DLX5: variants seen among roughly 807,000 people sequenced by gnomAD.
DLX5 encodes homeobox protein DLX-5.
Under a neutral mutation model 27.1 loss-of-function variants are expected in DLX5, and 8 were observed. That is an observed-to-expected ratio of 0.30 (90% confidence interval 0.17 to 0.53). The LOEUF (loss-of-function observed/expected upper bound fraction) is 0.53, where lower values mean the gene tolerates loss of function less well. Ranked by LOEUF, DLX5 falls within the 20% of genes least tolerant of loss-of-function variation. The probability of loss-of-function intolerance (pLI) is 0.95; values close to 1 mark genes in which losing one functional copy is unlikely to be tolerated. For synonymous variants in DLX5, 178 were observed against 161.9 expected, an observed-to-expected ratio of 1.10 and a Z score of -0.75; for missense variants, 339 against 375.1, an observed-to-expected ratio of 0.90 and a Z score of 0.80.
rs868715953 is a variant in DLX5, at chr7:97,022,447, C to G, written c.356-78G>C. ...TTGCGGAAGGGCCTCAAATAGAGTC[C>G]TAGAGTTTCTTACCACTCAGTCTTC... On this transcript the variant is annotated intron_variant, in intron 1 of 2. Transcript: ENST00000648378. 5.7e-6 allele frequency: 9 copies of G among 1,583,952 alleles called. No homozygotes were observed. The Middle Eastern group carries it at 1.3e-3, about 236-fold the overall frequency.
At position 97,020,691 on chromosome 7, in the gene DLX5, A is replaced by G. The variant is rs1490229586; in HGVS notation, c.*45T>C. The G allele has an allele frequency of 4.7e-6, 7 of 1,475,938 alleles. No homozygotes were observed. 91.4% of individuals were successfully genotyped at this position (1,475,938 alleles called of 1,614,324 possible). On this transcript the variant is annotated 3_prime_UTR_variant, in exon 3 of 3. Transcript: ENST00000648378. The stretch of plus-strand genomic sequence containing the variant: ...TTTCTTTATGATTTTCTAGAACAGC[A>G]AAACACAGTAGTCCCAAAAAAGAGA...
chr7:97,021,945 G>A (rs2115909312), intron 2 of DLX5: 2 of 611,446 alleles, frequency 3.3e-6, no homozygotes, highest in East Asian at 5.5e-5. Flanking sequence ...CCGGAGGCCC[G>A]CTACGGGGTG....
In DLX5 at chr7:97,024,681, G is replaced by A; in HGVS notation, c.-58C>T. Reference sequence around the variant, plus strand: ...TGTTGTGGCGGCGGCAGCTGCCCTAGTTGGCTGTGGGGCTGCTCTGGTCTA... The same window carrying A: ...TGTTGTGGCGGCGGCAGCTGCCCTAATTGGCTGTGGGGCTGCTCTGGTCTA... On this transcript the variant is annotated 5_prime_UTR_variant, in exon 1 of 3. Coordinates refer to ENST00000648378, the MANE Select transcript of DLX5 (RefSeq NM_005221.6). This position sits in a 1 kb window ranked among gnomAD's most constrained non-coding sequence, Gnocchi z 4.6. 6.9e-7 allele frequency: 1 copy of A among 1,453,376 alleles called. No homozygotes were observed. The highest frequency in any genetic ancestry group is 9.4e-7 in the Non-Finnish European group (1 of 1,061,186). The allele number at this position is 1,453,376 out of a possible 1,614,324, so 90.0% of individuals were successfully genotyped here.
chr7:97,024,766 G>T lies in DLX5; in HGVS notation c.-143C>A. The T allele has an allele frequency of 1.4e-6, 1 of 725,748 alleles. No individual in the cohort carries two copies. Among genetic ancestry groups the T allele is most frequent in the Non-Finnish European group, 2.2e-6 (1 of 450,696 alleles). 45.0% of individuals were successfully genotyped at this position (725,748 alleles called of 1,614,324 possible). Reference sequence around the variant, plus strand: ...GAAGAGGAGGAGGAGAGAAGGAGGAGGCGGCGGCCGCGGCGAGGAGGAGAC... The same window carrying T: ...GAAGAGGAGGAGGAGAGAAGGAGGATGCGGCGGCCGCGGCGAGGAGGAGAC... On this transcript the variant is annotated 5_prime_UTR_variant, in exon 1 of 3. Transcript: ENST00000648378. This position sits in a 1 kb window ranked among gnomAD's most constrained non-coding sequence, Gnocchi z 4.6.
rs3214218 is a variant in DLX5, at chr7:97,020,572, AG to A, written c.*163del. ...CGCAAAAAAAGTCCTCTGTAAAAAA[AG>A]GGGGGGTCTTTTGAAATGCAATAAC... On this transcript the variant is annotated 3_prime_UTR_variant, in exon 3 of 3. Coordinates refer to ENST00000648378, the MANE Select transcript of DLX5 (RefSeq NM_005221.6). 9.0e-6 allele frequency: 6 copies of A among 663,630 alleles called. No homozygotes were observed. Among genetic ancestry groups the A allele is most frequent in the Admixed American group, 3.6e-5 (1 of 27,562 alleles). The allele number at this position is 663,630 out of a possible 1,614,324, so 41.1% of individuals were successfully genotyped here. A position where few individuals can be genotyped will look rare whatever the true frequency, so the allele number is the denominator to read the frequency against.
intron 1 of DLX5, among the ~76,000 whole-genome samples, chr7:97,023,533 C>T (rs2115916029): frequency 6.6e-6 from 1 of 152,168 alleles, no homozygotes; most frequent in East Asian, 1.9e-4. Context: ...TCTCTTACCG[C>T]CCAAGCTCAC....
intron 2 of DLX5, 49 bp downstream of exon 2, chr7:97,022,136 C>T: frequency 1.2e-6 from 2 of 1,611,236 alleles, no homozygotes; most frequent in Non-Finnish European, 1.7e-6. Context: ...CGCGACCCAA[C>T]CAGACGTGCA....
chr7:97,023,751 T>C (rs1790125792), intron 1 of DLX5, among the ~76,000 whole-genome samples: 1 of 152,082 alleles, frequency 6.6e-6, no homozygotes, highest in Non-Finnish European at 1.5e-5. Flanking sequence ...TCTGGCTGGC[T>C]ACAACTCCTT....
At chr7:97,021,358 C>T (rs532868162) in intron 2 of DLX5, among the ~76,000 whole-genome samples, 1 of 152,314 alleles carries the variant, frequency 6.6e-6, no homozygotes, top group South Asian at 2.1e-4. Context: ...CGGGTGTGCG[C>T]CCGAGTGTCC....
In DLX5 at chr7:97,021,206, G is replaced by A. The variant is rs566490435; in HGVS notation, c.541-141C>T. ...GTCTCCCCGCCGCTTGCGGCCTACC[G>A]CCAAGAAGCTATGCCTTAGGCAAAC... On this transcript the variant is annotated intron_variant, in intron 2 of 2. Coordinates refer to ENST00000648378, the MANE Select transcript of DLX5 (RefSeq NM_005221.6). 1,251 of 836,000 alleles carry A rather than the reference G, an allele frequency of 1.5e-3. 1 individual carries two copies. Among genetic ancestry groups the A allele is most frequent in the Non-Finnish European group, 1.7e-3 (916 of 549,574 alleles). 51.8% of individuals were successfully genotyped at this position (836,000 alleles called of 1,614,324 possible).
Position 97,024,738 on chromosome 7 carries a change from G to T in DLX5, c.-115C>A. The T allele has an allele frequency of 1.1e-6, 1 of 893,456 alleles. No individual in the cohort carries two copies. Among genetic ancestry groups the T allele is most frequent in the Non-Finnish European group, 1.7e-6 (1 of 591,282 alleles). 55.3% of individuals were successfully genotyped at this position (893,456 alleles called of 1,614,324 possible). ...CATGGCTGTGGGAGCGAGGGAGGAG[G>T]AGGAAGAGGAGGAGGAGAGAAGGAG... On this transcript the variant is annotated 5_prime_UTR_variant, in exon 1 of 3. Transcript: ENST00000648378. This position sits in a 1 kb window ranked among gnomAD's most constrained non-coding sequence, Gnocchi z 4.6.
At position 97,024,387 on chromosome 7, in the gene DLX5, G is replaced by T. The variant is rs749467954; in HGVS notation, c.237C>A (p.Gly79=). 3 of 1,614,260 alleles carry T rather than the reference G, an allele frequency of 1.9e-6. No homozygotes were observed. The South Asian group carries it at 3.3e-5, about 18-fold the overall frequency. ...GGTAGCTCCCGGCGGAGCCGTTCAC[G>T]CCGTGATACTGATACTGGTAGGGGT... ...ALNPYQYQYH[G]VNGSAGSYPA... Residue 79 remains glycine (G), a synonymous_variant, in exon 1 of 3, where the codon GGC becomes GGA. Transcript: ENST00000648378. This position sits in a 1 kb window ranked among gnomAD's most constrained non-coding sequence, Gnocchi z 4.6.
chr7:97,023,481 C>T (rs979339640), intron 1 of DLX5, among the ~76,000 whole-genome samples: 1 of 151,798 alleles, frequency 6.6e-6, no homozygotes, highest in South Asian at 2.1e-4. Flanking sequence ...GGGAAGAGAT[C>T]AAACCTTACC....
rs1790147672 is a variant in DLX5 at position 97,024,746 on chromosome 7, G to A, written c.-123C>T. 3.5e-6 allele frequency: 3 copies of A among 855,586 alleles called. No individual in the cohort carries two copies. Among genetic ancestry groups the A allele is most frequent in the Admixed American group, 2.7e-5 (1 of 37,174 alleles). The allele number at this position is 855,586 out of a possible 1,614,324, so 53.0% of individuals were successfully genotyped here. On this transcript the variant is annotated 5_prime_UTR_variant, in exon 1 of 3. Transcript: ENST00000648378. This position sits in a 1 kb window ranked among gnomAD's most constrained non-coding sequence, Gnocchi z 4.6. Reference sequence around the variant, plus strand: ...TGGGAGCGAGGGAGGAGGAGGAAGAGGAGGAGGAGAGAAGGAGGAGGCGGC... The same window carrying A: ...TGGGAGCGAGGGAGGAGGAGGAAGAAGAGGAGGAGAGAAGGAGGAGGCGGC...
chr7:97,022,037 G>T, intron 2 of DLX5, 148 bp downstream of exon 2: 3 of 909,442 alleles, frequency 3.3e-6, no homozygotes, highest in East Asian at 2.5e-5. Context: ...CTGACTCACC[G>T]AGTTAAAGCA....
Position 97,024,769 on chromosome 7 carries a change from G to T in DLX5, c.-146C>A. ...GAGGAGGAGGAGAGAAGGAGGAGGC[G>T]GCGGCCGCGGCGAGGAGGAGACTGG... On this transcript the variant is annotated 5_prime_UTR_variant, in exon 1 of 3. Coordinates refer to ENST00000648378, the MANE Select transcript of DLX5 (RefSeq NM_005221.6). This position sits in a 1 kb window ranked among gnomAD's most constrained non-coding sequence, Gnocchi z 4.6. 1 of 695,134 alleles carries T rather than the reference G, an allele frequency of 1.4e-6. No individual in the cohort carries two copies. 43.1% of individuals were successfully genotyped at this position (695,134 alleles called of 1,614,324 possible). A position where few individuals can be genotyped will look rare whatever the true frequency, so the allele number is the denominator to read the frequency against.
At chr7:97,021,887 G>A in intron 2 of DLX5, 1 of 596,762 alleles carries the variant, frequency 1.7e-6, no homozygotes, top group South Asian at 2.1e-5. Flanking sequence ...GGCCGCCCTA[G>A]AAATAACCCT....
rs369530818 is a variant in DLX5 at position 97,022,269 on chromosome 7, T to C, written c.456A>G (p.Leu152=). 261 of 1,614,136 alleles carry C rather than the reference T, an allele frequency of 1.6e-4. No individual in the cohort carries two copies. Among genetic ancestry groups the C allele is most frequent in the Non-Finnish European group, 2.1e-4 (244 of 1,180,046 alleles). ...ACTGAGTCTTCTGAAACCTTCTCTG[T>C]AATGCGGCCAGCTGAAAGCTGGAAT... ...TIYSSFQLAA[L]QRRFQKTQYL... is the part of the protein sequence containing the mutation. Residue 152 remains leucine, a synonymous_variant, in exon 2 of 3, where the codon TTA becomes TTG. Transcript: ENST00000648378.
In DLX5 at chr7:97,024,564, C is replaced by T. The variant is rs889899849; in HGVS notation, c.60G>A (p.Pro20=). Residue 20 remains proline, a synonymous_variant, in exon 1 of 3, where the codon CCG becomes CCA. Transcript: ENST00000648378. The surrounding 1 kb of genome is among the most constrained non-coding windows in gnomAD (Gnocchi z 4.6). ...GGTGCATAGCTGCGGACGTCTGGAACGGAGCTTGGAAGTCGCCGGATCGGA... is the reference window on the plus strand; with the variant it reads ...GGTGCATAGCTGCGGACGTCTGGAATGGAGCTTGGAAGTCGCCGGATCGGA... ...PSIRSGDFQA[P]FQTSAAMHHP... The T allele has an allele frequency of 3.7e-6, 6 of 1,612,864 alleles. No homozygotes were observed. The highest frequency in any genetic ancestry group is 5.1e-6 in the Non-Finnish European group (6 of 1,179,084).
Sources: gnomAD v4.1 joint callset for allele counts (sites outside exome capture counted in the v4.1 genomes callset) on GRCh38, gnomAD v4.1.1 for gene constraint, Gnocchi (gnomAD v3.1) non-coding constraint, MANE v1.5 for transcripts, NCBI Gene and HGNC (gene_info 2026-07-23, HGNC 2026-07-21) for gene names.